Variants in CCT3 observed in about 807,000 individuals in gnomAD.
The protein encoded by CCT3 is chaperonin containing TCP1 subunit 3.
CCT3 carries 10 observed loss-of-function variants against 65.3 expected under a neutral mutation model. That is an observed-to-expected ratio of 0.15 (90% CI 0.09 to 0.26). The LOEUF (loss-of-function observed/expected upper bound fraction) is 0.26, where lower values mean the gene tolerates loss of function less well. Among genes scored for constraint, CCT3 ranks in the 10% least tolerant of loss-of-function variants. The pLI, the probability that CCT3 is intolerant of heterozygous loss-of-function variation, is 1.00. For missense variants in CCT3, 626 were observed against 708.7 expected (o/e 0.88, Z 1.33); for synonymous variants, 225 against 242.3 (o/e 0.93, Z 0.66).
At chr1:156,318,469 T>G (rs1300718069) in intron 8 of CCT3, among the ~76,000 whole-genome samples, 1 of 152,164 alleles carries the variant, frequency 6.6e-6, no homozygotes, top group Non-Finnish European at 1.5e-5. Flanking sequence ...TCCACCTGCC[T>G]TAGCCTCCCA....
At chr1:156,322,319 A>T (rs1485714102) in intron 6 of CCT3, among the ~76,000 whole-genome samples, 1 of 151,894 alleles carries the variant, frequency 6.6e-6, no homozygotes, top group African/African-American at 2.4e-5. Flanking sequence ...CAATATGGTG[A>T]AACCCCATCT....
chr1:156,335,634 T>G, intron 2 of CCT3, 193 bp downstream of exon 2: 2 of 527,714 alleles, frequency 3.8e-6, no homozygotes, highest in Non-Finnish European at 3.4e-6. Context: ...GAGAAGATTA[T>G]CAGTCCTAAC....
rs577377735 is a variant in CCT3, at chr1:156,322,392, G to A, written c.423-1367C>T. Among the ~76,000 whole-genome samples the A allele has an allele frequency of 3.9e-5, 6 of 152,192 alleles. No homozygotes were observed. In the South Asian group the frequency reaches 1.2e-3, roughly 32 times the overall value. The stretch of plus-strand genomic sequence containing the variant: ...TGCGCCTGTAGTCCCAGCTACTTGG[G>A]AGGCTGAGACAGAATTGCTTGAACC... On this transcript the variant is annotated intron_variant, in intron 6 of 13. Transcript: ENST00000295688.
intron 5 of CCT3, among the ~76,000 whole-genome samples, chr1:156,329,554 C>G (rs1361689545): frequency 1.3e-5 from 2 of 151,944 alleles, no homozygotes; most frequent in African/African-American, 2.4e-5. Flanking sequence ...ATCTGCCCAC[C>G]TTGGCCTCCC....
At chr1:156,327,162 G>C (rs1016169361) in intron 5 of CCT3, among the ~76,000 whole-genome samples, 1 of 152,198 alleles carries the variant, frequency 6.6e-6, no homozygotes, top group African/African-American at 2.4e-5. Context: ...AGTATAAAGA[G>C]AGTATTGTAA....
intron 12 of CCT3, 122 bp downstream of exon 12, chr1:156,310,828 G>C: frequency 6.9e-7 from 1 of 1,458,442 alleles, no homozygotes; most frequent in Non-Finnish European, 9.4e-7. Flanking sequence ...AGACTAAAAG[G>C]AGAGAAAGAT....
intron 10 of CCT3, among the ~76,000 whole-genome samples, chr1:156,314,086 C>CAAAAAAAA (rs139747435): frequency 2.1e-5 from 2 of 96,512 alleles, no homozygotes; most frequent in African/African-American, 4.0e-5. Context: ...ACTCTGTCTC[C>CAAAAAAAA]AAAAAAAAAA....
At position 156,312,092 on chromosome 1, in the gene CCT3, G is replaced by A. The variant is rs1664107649; in HGVS notation, c.1104C>T (p.Asp368=). ...EYFTFITDCK[D]PKACTILLRG... Reference sequence around the variant, plus strand: ...GGAGGAGAATGGTGCAGGCCTTGGGGTCTTTGCAGTCAGTGATGAAAGTAA... The same window carrying A: ...GGAGGAGAATGGTGCAGGCCTTGGGATCTTTGCAGTCAGTGATGAAAGTAA... The change falls in exon 11 of 14, where the codon GAC becomes GAT. Residue 368 remains aspartate (D), a synonymous_variant. Coordinates refer to ENST00000295688, the MANE Select transcript of CCT3 (RefSeq NM_005998.5). The A allele has an allele frequency of 6.2e-7, 1 of 1,613,748 alleles. No individual in the cohort carries two copies.
At position 156,318,851 on chromosome 1, in the gene CCT3, A is replaced by G; in HGVS notation, c.759+17T>C. On this transcript the variant is annotated intron_variant, in intron 8 of 13. Coordinates refer to ENST00000295688, the MANE Select transcript of CCT3 (RefSeq NM_005998.5). ...GATTCTTGCATCTACTTTAAGGAAC[A>G]AGGCCAAGAACCTTACCTGGCTTTC... 6.2e-7 allele frequency: 1 copy of G among 1,603,210 alleles called. No homozygotes were observed. The highest frequency in any genetic ancestry group is 8.5e-7 in the Non-Finnish European group (1 of 1,176,374).
At chr1:156,331,157 G>A (rs1246597658) in intron 5 of CCT3, among the ~76,000 whole-genome samples, 2 of 151,124 alleles carry the variant, frequency 1.3e-5, no homozygotes, top group East Asian at 2.0e-4. Context: ...GCTTGAACCC[G>A]GGATCAGAGG....
chr1:156,314,304 A>C (rs1365000323), intron 10 of CCT3, among the ~76,000 whole-genome samples: 1 of 152,210 alleles, frequency 6.6e-6, no homozygotes, highest in Non-Finnish European at 1.5e-5. Context: ...AATCAAGGAA[A>C]TCATGAAAGA....
Position 156,317,338 on chromosome 1 carries a change from C to T in CCT3, c.892+77G>A, listed in dbSNP as rs541632838. 21 of 1,593,266 alleles carry T rather than the reference C, an allele frequency of 1.3e-5. No individual in the cohort carries two copies. The South Asian group carries it at 2.3e-4, about 18-fold the overall frequency. On this transcript the variant is annotated intron_variant, in intron 9 of 13. Transcript: ENST00000295688. ...AACCATGACACTATTACGCCCCTGC[C>T]AAACATGAGGGGAGAAAACAAATCA...
chr1:156,309,702 A>G (rs1460208082), intron 13 of CCT3, among the ~76,000 whole-genome samples: 1 of 151,968 alleles, frequency 6.6e-6, no homozygotes, highest in Non-Finnish European at 1.5e-5. Flanking sequence ...CTGGGATTAC[A>G]GGCGTGACCC....
In CCT3 at chr1:156,338,274, C is replaced by T. The variant is rs780915854; in HGVS notation, c.-90G>A. On this transcript the variant is annotated 5_prime_UTR_variant, in exon 1 of 14. Coordinates refer to ENST00000295688, the MANE Select transcript of CCT3 (RefSeq NM_005998.5). ...GAACCAGACAGAAGCCCAGAAAACG[C>T]TGCCTCCTCAGGGCTTACACCTCAA... 1.0e-5 allele frequency: 14 copies of T among 1,373,550 alleles called. No homozygotes were observed. Among genetic ancestry groups the T allele is most frequent in the Non-Finnish European group, 9.1e-6 (9 of 987,078 alleles). The allele number at this position is 1,373,550 out of a possible 1,614,324, so 85.1% of individuals were successfully genotyped here. A position where few individuals can be genotyped will look rare whatever the true frequency, so the allele number is the denominator to read the frequency against.
In CCT3 at chr1:156,333,926, TTG is replaced by T. The variant is rs549877287; in HGVS notation, c.208-285_208-284del. 2.8e-4 allele frequency among the ~76,000 whole-genome samples: 42 copies of T among 152,310 alleles called. No individual in the cohort carries two copies. The South Asian group carries it at 8.7e-3, about 32-fold the overall frequency. The stretch of plus-strand genomic sequence containing the variant: ...TACTGGAAGCACTATTGTGGCTGAA[TTG>T]TGTTCTTCAGTAAGATACGTTGAAG... On this transcript the variant is annotated intron_variant, in intron 4 of 13. Transcript: ENST00000295688.
intron 5 of CCT3, among the ~76,000 whole-genome samples, chr1:156,331,491 T>C (rs1218824583): frequency 1.3e-5 from 2 of 152,038 alleles, no homozygotes; most frequent in Admixed American, 6.6e-5. Flanking sequence ...GAGATCAGTC[T>C]GGCCAACATG....
intron 13 of CCT3, 133 bp from the exon 14 acceptor site, chr1:156,309,436 T>G: frequency 1.6e-6 from 1 of 641,130 alleles, no homozygotes. Context: ...AGTCTTTTAT[T>G]TTTTTTTGAG....
At chr1:156,319,985 C>T (rs1425948915) in intron 7 of CCT3, among the ~76,000 whole-genome samples, 2 of 152,192 alleles carry the variant, frequency 1.3e-5, no homozygotes, top group Non-Finnish European at 2.9e-5. Context: ...CCCTTGTCCT[C>T]ATAAACCTTG....
chr1:156,337,982 G>A (rs1020366245), intron 1 of CCT3, among the ~76,000 whole-genome samples, 172 bp downstream of exon 1: 3 of 152,142 alleles, frequency 2.0e-5, no homozygotes, highest in African/African-American at 7.2e-5. Flanking sequence ...GTGCAGAGAA[G>A]CGAACAGGTT....
Sources: allele counts gnomAD v4.1 joint callset (sites outside exome capture counted in the v4.1 genomes callset), GRCh38; gene constraint gnomAD v4.1.1; transcripts MANE v1.5; gene names NCBI Gene and HGNC (gene_info 2026-07-23, HGNC 2026-07-21).